SLC6A17: variants seen among roughly 807,000 people sequenced by gnomAD.
SLC6A17 encodes sodium-dependent neutral amino acid transporter SLC6A17.
Under a neutral mutation model 64.5 loss-of-function variants are expected in SLC6A17, and 21 were observed. The ratio of observed to expected loss-of-function variants is 0.33; its 90% confidence interval spans 0.23 to 0.47. The LOEUF (loss-of-function observed/expected upper bound fraction) is 0.47. Ranked by LOEUF, SLC6A17 falls within the 20% of genes least tolerant of loss-of-function variation. SLC6A17 has a pLI of 1.00. For missense variants in SLC6A17, 682 were observed against 963.2 expected, an observed-to-expected ratio of 0.71 and a Z score of 3.86; for synonymous variants, 372 against 399.5, an observed-to-expected ratio of 0.93 and a Z score of 0.82.
At chr1:110,157,888 C>G (rs1403854445) in intron 1 of SLC6A17, among the ~76,000 whole-genome samples, 2 of 152,172 alleles carry the variant, frequency 1.3e-5, no homozygotes, top group African/African-American at 2.4e-5. Flanking sequence ...CCCAGGACAT[C>G]CACATGGCCC....
At chr1:110,168,637 C>T (rs1023893022) in intron 2 of SLC6A17, among the ~76,000 whole-genome samples, 3 of 152,206 alleles carry the variant, frequency 2.0e-5, no homozygotes, top group African/African-American at 7.2e-5. Context: ...TCTTTATGCC[C>T]TGTGAGATGT....
At position 110,198,857 on chromosome 1, in the gene SLC6A17, G is replaced by A. The variant is rs1030734020; in HGVS notation, c.*413G>A. On this transcript the variant is annotated 3_prime_UTR_variant, in exon 12 of 12. Coordinates refer to ENST00000331565, the MANE Select transcript of SLC6A17 (RefSeq NM_001010898.4). ...AGATGGTGGTGGTGAGAGGCCTTGG[G>A]GCTGGGGAAGGAGAGTGGACTTTGG... is the stretch of plus-strand genomic sequence containing the variant. 1.3e-4 allele frequency: 23 copies of A among 172,168 alleles called. No individual in the cohort carries two copies. Among genetic ancestry groups the A allele is most frequent in the Admixed American group, 1.3e-3 (22 of 17,420 alleles). The allele number at this position is 172,168 out of a possible 1,614,324, so 10.7% of individuals were successfully genotyped here. A position where few individuals can be genotyped will look rare whatever the true frequency, so the allele number is the denominator to read the frequency against.
chr1:110,200,298 G>A lies in SLC6A17; in HGVS notation c.*1854G>A. 2.6e-6 allele frequency: 1 copy of A among 388,690 alleles called. No individual in the cohort carries two copies. Among genetic ancestry groups the A allele is most frequent in the Non-Finnish European group, 4.5e-6 (1 of 220,780 alleles). The allele number at this position is 388,690 out of a possible 1,614,324, so 24.1% of individuals were successfully genotyped here. ...CCTCTGCCCTACCTGTCTTTCCTGA[G>A]TGTTTGAGGGGAGAGAGAGACCCAC... is the stretch of plus-strand genomic sequence containing the variant. On this transcript the variant is annotated 3_prime_UTR_variant, in exon 12 of 12. Coordinates refer to ENST00000331565, the MANE Select transcript of SLC6A17 (RefSeq NM_001010898.4).
chr1:110,199,844 G>A lies in SLC6A17; in HGVS notation c.*1400G>A, dbSNP rs1426295565. On this transcript the variant is annotated 3_prime_UTR_variant, in exon 12 of 12. Transcript: ENST00000331565. ...AAGAGTAAATGTCTGCAGAGAGATG[G>A]ATGGATGGATGGATAGATGGATGGA... is the stretch of plus-strand genomic sequence containing the variant. 1.3e-5 allele frequency: 5 copies of A among 393,352 alleles called. No homozygotes were observed. The highest frequency in any genetic ancestry group is 2.2e-5 in the Non-Finnish European group (5 of 224,186). The allele number at this position is 393,352 out of a possible 1,614,324, so 24.4% of individuals were successfully genotyped here.
Position 110,167,021 on chromosome 1 carries a change from T to G in SLC6A17, c.92T>G (p.Val31Gly). ...VADLLALEEP[V>G]DYKQSVLNVA... ...GACCTGCTGGCCCTCGAGGAGCCTGTGGACTATAAGCAGAGTGTACTGAAT... is the reference window on the plus strand; with the variant it reads ...GACCTGCTGGCCCTCGAGGAGCCTGGGGACTATAAGCAGAGTGTACTGAAT... Residue 31 changes from valine (V) to glycine (G), a missense_variant, in exon 2 of 12, where the codon GTG (valine) becomes GGG (glycine). Physicochemically the swap from Val to Gly is moderately radical, Grantham distance 109. Around this residue, in one of 3 missense-constraint regions of SLC6A17, gnomAD observed 415 missense variants for 603.8 expected, o/e 0.69. Transcript: ENST00000331565. 1 of 1,612,996 alleles carries G rather than the reference T, an allele frequency of 6.2e-7. No homozygotes were observed. Among genetic ancestry groups the G allele is most frequent in the Non-Finnish European group, 8.5e-7 (1 of 1,179,550 alleles).
chr1:110,182,592 G>A (rs1008403012), intron 6 of SLC6A17, among the ~76,000 whole-genome samples: 1 of 149,998 alleles, frequency 6.7e-6, no homozygotes, highest in African/African-American at 2.5e-5. Context: ...CTGTGGGTGG[G>A]CGGTGGCGGG....
At position 110,172,095 on chromosome 1, in the gene SLC6A17, A is replaced by G. The variant is rs780308023; in HGVS notation, c.322A>G (p.Ile108Val). The change falls in exon 3 of 12, where the codon ATC becomes GTC. Residue 108 changes from isoleucine (I) to valine (V), a missense_variant. Coordinates refer to ENST00000331565, the MANE Select transcript of SLC6A17 (RefSeq NM_001010898.4). ...YLVPYLVLLI[I>V]IGIPLFFLEL... ...GGTGCCCTACCTGGTGCTGCTGATC[A>G]TCATCGGGATCCCCCTCTTCTTCCT... The G allele has an allele frequency of 6.2e-7, 1 of 1,614,028 alleles. No individual in the cohort carries two copies. Among genetic ancestry groups the G allele is most frequent in the East Asian group, 2.2e-5 (1 of 44,866 alleles).
chr1:110,184,780 T>C (rs1022384773), intron 6 of SLC6A17, among the ~76,000 whole-genome samples: 4 of 152,176 alleles, frequency 2.6e-5, no homozygotes, highest in Non-Finnish European at 5.9e-5. Context: ...TTCACGTGCG[T>C]GTATGTATAT....
chr1:110,152,407 C>T lies in SLC6A17; in HGVS notation c.-88+1524C>T, dbSNP rs149385549. Among the ~76,000 whole-genome samples, 232 of 152,320 alleles carry T rather than the reference C, an allele frequency of 1.5e-3. 2 individuals are homozygous for T. Among genetic ancestry groups the T allele is most frequent in the Non-Finnish European group, 2.8e-3 (190 of 68,042 alleles). Reference sequence around the variant, plus strand: ...GAGTGAGTTTGTTTGGCCTGAGTCACACACAGAGTCGTGTGTCAGCTGTTT... The same window carrying T: ...GAGTGAGTTTGTTTGGCCTGAGTCATACACAGAGTCGTGTGTCAGCTGTTT... On this transcript the variant is annotated intron_variant, in intron 1 of 11. Transcript: ENST00000331565.
At chr1:110,172,338 A>G (rs1343934417) in intron 3 of SLC6A17, 121 bp downstream of exon 3, 5 of 1,261,218 alleles carry the variant, frequency 4.0e-6, no homozygotes, top group Non-Finnish European at 5.3e-6. Context: ...AGGGAGGGGG[A>G]TCCTCAACAT....
intron 3 of SLC6A17, among the ~76,000 whole-genome samples, chr1:110,172,832 A>C (rs1656276894): frequency 6.6e-6 from 1 of 152,226 alleles, no homozygotes; most frequent in South Asian, 2.1e-4. Flanking sequence ...AAGGCTACAG[A>C]TGAGAACCTG....
At chr1:110,169,989 G>A (rs1379565138) in intron 2 of SLC6A17, among the ~76,000 whole-genome samples, 1 of 152,232 alleles carries the variant, frequency 6.6e-6, no homozygotes, top group Non-Finnish European at 1.5e-5. Flanking sequence ...GGTGGACAGA[G>A]CCTGGATGGT....
chr1:110,182,551 C>G (rs1010353762), intron 6 of SLC6A17, among the ~76,000 whole-genome samples: 1 of 151,758 alleles, frequency 6.6e-6, no homozygotes, highest in African/African-American at 2.4e-5. Context: ...AGCACTGGGG[C>G]CCTGGTGTTT....
intron 1 of SLC6A17, among the ~76,000 whole-genome samples, chr1:110,151,285 G>A (rs924294358): frequency 1.3e-5 from 2 of 152,238 alleles, no homozygotes; most frequent in Admixed American, 6.5e-5. Context: ...GTTCCACTGG[G>A]AGCCTCTTAC....
At chr1:110,151,877 G>A (rs534679563) in intron 1 of SLC6A17, among the ~76,000 whole-genome samples, 91 of 152,110 alleles carry the variant, frequency 6.0e-4, no homozygotes, top group African/African-American at 2.1e-3. Context: ...ATTCAGCTGT[G>A]AACTTGAGGC....
In SLC6A17 at chr1:110,167,042, T is replaced by A. The variant is rs745555325; in HGVS notation, c.113T>A (p.Leu38Gln). The A allele has an allele frequency of 6.2e-7, 1 of 1,612,414 alleles. No homozygotes were observed. The highest frequency in any genetic ancestry group is 8.5e-7 in the Non-Finnish European group (1 of 1,179,378). Residue 38 changes from leucine to glutamine, a missense_variant, in exon 2 of 12, where the codon CTG becomes CAG. Leu to Gln is a moderately radical substitution (Grantham distance 113). Coordinates refer to ENST00000331565, the MANE Select transcript of SLC6A17 (RefSeq NM_001010898.4). ...EEPVDYKQSVLNVAGEAGGKQ... is the reference protein window; with the variant it reads ...EEPVDYKQSVQNVAGEAGGKQ... ...CCTGTGGACTATAAGCAGAGTGTAC[T>A]GAATGTGGCTGGTGAGGCAGGCGGC...
At chr1:110,180,581 C>T (rs1557836685) in intron 6 of SLC6A17, among the ~76,000 whole-genome samples, 3 of 152,014 alleles carry the variant, frequency 2.0e-5, no homozygotes, top group African/African-American at 4.8e-5. Context: ...AAGGGTAGGC[C>T]GACTCTCAGA....
chr1:110,195,655 C>T lies in SLC6A17; in HGVS notation c.1562C>T (p.Thr521Ile). 3 of 1,614,246 alleles carry T rather than the reference C, an allele frequency of 1.9e-6. No individual in the cohort carries two copies. The highest frequency in any genetic ancestry group is 2.5e-6 in the Non-Finnish European group (3 of 1,180,046). ...CAGCGCTCCGGAAACTACTTTGTCACCATGTTCGATGACTACTCGGCCACC... is the reference window on the plus strand; with the variant it reads ...CAGCGCTCCGGAAACTACTTTGTCATCATGTTCGATGACTACTCGGCCACC... ...FVQRSGNYFV[T>I]MFDDYSATLP... Residue 521 changes from threonine (T) to isoleucine (I), a missense_variant, in exon 10 of 12, where the codon ACC (threonine) becomes ATC (isoleucine). By Grantham distance (89) the Thr-to-Ile change is moderately conservative (BLOSUM62 -1). Around this residue, in one of 3 missense-constraint regions of SLC6A17, gnomAD observed 264 missense variants for 339.5 expected, o/e 0.78. Coordinates refer to ENST00000331565, the MANE Select transcript of SLC6A17 (RefSeq NM_001010898.4).
intron 1 of SLC6A17, among the ~76,000 whole-genome samples, chr1:110,156,555 G>A (rs1317439248): frequency 6.6e-6 from 1 of 152,158 alleles, no homozygotes; most frequent in Non-Finnish European, 1.5e-5. Context: ...ATGACAGTCT[G>A]AATCCCCGCT....
Sources: gnomAD v4.1 joint callset for allele counts (sites outside exome capture counted in the v4.1 genomes callset) on GRCh38, gnomAD v4.1.1 for gene constraint, gnomAD v4.1.1 regional missense constraint, MANE v1.5 for transcripts, NCBI Gene and HGNC (gene_info 2026-07-23, HGNC 2026-07-21) for gene names.